The following ZBTB38 variants were observed in gnomAD, a reference collection of about 807,000 sequenced individuals.
The protein encoded by ZBTB38 is zinc finger and BTB domain-containing protein 38.
Under a neutral mutation model 76.8 loss-of-function variants are expected in ZBTB38, and 20 were observed. That is an observed-to-expected ratio of 0.26 (90% CI 0.18 to 0.38). The LOEUF (loss-of-function observed/expected upper bound fraction) is 0.38. Ranked by LOEUF, ZBTB38 falls within the 10% of genes least tolerant of loss-of-function variation. The pLI, the probability that ZBTB38 is intolerant of heterozygous loss-of-function variation, is 1.00. For synonymous variants in ZBTB38, 504 were observed against 544.2 expected, an observed-to-expected ratio of 0.93 and a Z score of 1.03; for missense variants, 1,082 against 1,482.3, an observed-to-expected ratio of 0.73 and a Z score of 4.43.
At chr3:141,431,341 A>AAAAAAATATATATATAT in intron 5 of ZBTB38, among the ~76,000 whole-genome samples, 3 of 103,290 alleles carry the variant, frequency 2.9e-5, no homozygotes, top group South Asian at 2.7e-4. Context: ...AAAAAAAAAA[A>AAAAAAATATATATATAT]ATATATATAT....
intron 2 of ZBTB38, among the ~76,000 whole-genome samples, chr3:141,379,350 C>T (rs1341172468): frequency 6.6e-6 from 1 of 152,160 alleles, no homozygotes; most frequent in African/African-American, 2.4e-5. Context: ...GCAGAGGAGT[C>T]CCCAGCATCA....
Position 141,389,283 on chromosome 3 carries a change from C to T in ZBTB38, c.-106+2346C>T, listed in dbSNP as rs141852578. The T allele has an allele frequency of 1.8e-3, 272 of 152,166 alleles. 1 individual carries two copies. Among genetic ancestry groups the T allele is most frequent in the African/African-American group, 6.2e-3 (259 of 41,496 alleles). 9.4% of individuals were successfully genotyped at this position (152,166 alleles called of 1,614,324 possible). On this transcript the variant is annotated intron_variant, in intron 4 of 5. Transcript: ENST00000321464. Reference sequence around the variant, plus strand: ...TCCATAGCACTATCGTAGAATTGAACCTCTCTAATGGGCTGAAGGGTGGTG... The same window carrying T: ...TCCATAGCACTATCGTAGAATTGAATCTCTCTAATGGGCTGAAGGGTGGTG...
intron 5 of ZBTB38, among the ~76,000 whole-genome samples, chr3:141,438,956 AT>A (rs2079469541): frequency 7.0e-6 from 1 of 142,188 alleles, no homozygotes; most frequent in African/African-American, 2.6e-5. Flanking sequence ...ACCCACTTTG[AT>A]CATTTTTAAT....
chr3:141,358,679 A>G (rs1032160055), intron 1 of ZBTB38, among the ~76,000 whole-genome samples: 5 of 152,180 alleles, frequency 3.3e-5, no homozygotes, highest in Non-Finnish European at 5.9e-5. Context: ...GGAAATTTTC[A>G]TCACTTCAAA....
intron 2 of ZBTB38, among the ~76,000 whole-genome samples, chr3:141,376,588 T>G (rs938524421): frequency 6.6e-6 from 1 of 152,242 alleles, no homozygotes; most frequent in Non-Finnish European, 1.5e-5. Context: ...CAAGAATGCC[T>G]GGGCCGGTTC....
chr3:141,346,792 G>GTGTGTGTA (rs1248416693), intron 1 of ZBTB38, among the ~76,000 whole-genome samples: 4 of 148,342 alleles, frequency 2.7e-5, no homozygotes, highest in African/African-American at 1.0e-4. Flanking sequence ...TTGTGTGTGT[G>GTGTGTGTA]TGTGTGTGTG....
Position 141,441,983 on chromosome 3 carries a change from G to A in ZBTB38, c.1-406G>A, listed in dbSNP as rs150074290. Reference sequence around the variant, plus strand: ...ATCATCAGATTTCTCTTTGAAAATAGGCAGGAAGCTTCTGGCAGGACCATG... The same window carrying A: ...ATCATCAGATTTCTCTTTGAAAATAAGCAGGAAGCTTCTGGCAGGACCATG... On this transcript the variant is annotated intron_variant, in intron 5 of 5. Coordinates refer to ENST00000321464, the MANE Select transcript of ZBTB38 (RefSeq NM_001376113.1). Among the ~76,000 whole-genome samples, 190 of 152,068 alleles carry A rather than the reference G, an allele frequency of 1.2e-3. 2 individuals are homozygous for A. The highest frequency in any genetic ancestry group is 4.4e-3 in the African/African-American group (181 of 41,490).
Position 141,413,755 on chromosome 3 carries a change from A to C in ZBTB38, c.-1+9724A>C, listed in dbSNP as rs2073227096. On this transcript the variant is annotated intron_variant, in intron 5 of 5. Coordinates refer to ENST00000321464, the MANE Select transcript of ZBTB38 (RefSeq NM_001376113.1). The surrounding 1 kb of genome is among the most constrained non-coding windows in gnomAD (Gnocchi z 4.1). Reference sequence around the variant, plus strand: ...CTGATTTCATGAAATGCTTATTAGGAGTTAAGTACCCCTTTTTCTTGAAGC... The same window carrying C: ...CTGATTTCATGAAATGCTTATTAGGCGTTAAGTACCCCTTTTTCTTGAAGC... 6.6e-6 allele frequency among the ~76,000 whole-genome samples: 1 copy of C among 152,148 alleles called. No individual in the cohort carries two copies. Among genetic ancestry groups the C allele is most frequent in the Non-Finnish European group, 1.5e-5 (1 of 68,036 alleles).
intron 5 of ZBTB38, among the ~76,000 whole-genome samples, chr3:141,425,724 G>T (rs2076260168): frequency 6.6e-6 from 1 of 152,240 alleles, no homozygotes; most frequent in South Asian, 2.1e-4. Context: ...TCAATAGTTT[G>T]GTCGCTAAAT....
intron 1 of ZBTB38, among the ~76,000 whole-genome samples, chr3:141,369,619 A>T (rs1944249319): frequency 6.6e-6 from 1 of 152,208 alleles, no homozygotes; most frequent in African/African-American, 2.4e-5. Flanking sequence ...TCATCCCCTG[A>T]GTCAGCATCT....
upstream of ZBTB38, among the ~76,000 whole-genome samples, chr3:141,364,700 A>G (rs1943913109): frequency 7.9e-6 from 1 of 127,330 alleles, no homozygotes; most frequent in Non-Finnish European, 1.7e-5. Flanking sequence ...AAAAAAAAAA[A>G]AAAAAAAAAA....
intron 1 of ZBTB38, among the ~76,000 whole-genome samples, chr3:141,338,851 C>T (rs1943091418): frequency 6.6e-6 from 1 of 152,094 alleles, no homozygotes; most frequent in East Asian, 1.9e-4. Flanking sequence ...GAGATCTTTG[C>T]CCTTCTAGAT....
chr3:141,404,462 G>C (rs893526643), intron 5 of ZBTB38, among the ~76,000 whole-genome samples: 2 of 152,128 alleles, frequency 1.3e-5, no homozygotes, highest in African/African-American at 4.8e-5. Context: ...CCTCTGTGAG[G>C]TGAGCGCTCT....
At chr3:141,424,997 C>T (rs2076127733) in intron 5 of ZBTB38, among the ~76,000 whole-genome samples, 1 of 152,156 alleles carries the variant, frequency 6.6e-6, no homozygotes, top group African/African-American at 2.4e-5. Context: ...TCATGTTAAC[C>T]CAAGTATCTT....
chr3:141,403,264 CTT>C (rs1016801199), intron 4 of ZBTB38: 4 of 152,178 alleles, frequency 2.6e-5, no homozygotes, highest in Admixed American at 2.6e-4. Flanking sequence ...AGGTTAAAGA[CTT>C]TTCTTCTGTG....
chr3:141,334,124 A>AC (rs1415637621), intron 1 of ZBTB38, among the ~76,000 whole-genome samples: 1 of 152,112 alleles, frequency 6.6e-6, no homozygotes, highest in African/African-American at 2.4e-5. Flanking sequence ...CTAGCACTAG[A>AC]CAGACCATGT....
At chr3:141,415,490 A>G (rs2073789297) in intron 5 of ZBTB38, among the ~76,000 whole-genome samples, 1 of 152,118 alleles carries the variant, frequency 6.6e-6, no homozygotes, top group African/African-American at 2.4e-5. Flanking sequence ...GTCCGTTAGA[A>G]ATACAGAGCC....
intron 1 of ZBTB38, among the ~76,000 whole-genome samples, chr3:141,337,998 A>C (rs552145757): frequency 1.6e-3 from 242 of 152,372 alleles, no homozygotes; most frequent in Non-Finnish European, 3.1e-3. Context: ...CTAAGAATAC[A>C]TCAGTAAACA....
chr3:141,443,225 A>C lies in ZBTB38; in HGVS notation c.837A>C (p.Thr279=). The change falls in exon 6 of 6, where the codon ACA becomes ACC. Residue 279 remains threonine (T), a synonymous_variant. Transcript: ENST00000321464. The surrounding 1 kb of genome is among the most constrained non-coding windows in gnomAD (Gnocchi z 5.6). ...TACCACAGGATTCGGATTCAGCCACAGAAAATATACCACCCCCTCCAGTAT... is the reference window on the plus strand; with the variant it reads ...TACCACAGGATTCGGATTCAGCCACCGAAAATATACCACCCCCTCCAGTAT... ...FSIPQDSDSA[T]ENIPPPPVSN... is the part of the protein sequence containing the mutation. The C allele has an allele frequency of 6.2e-7, 1 of 1,614,264 alleles. No homozygotes were observed. The highest frequency in any genetic ancestry group is 8.5e-7 in the Non-Finnish European group (1 of 1,180,050).
Sources: allele counts gnomAD v4.1 joint callset (sites outside exome capture counted in the v4.1 genomes callset), GRCh38; gene constraint gnomAD v4.1.1; non-coding constraint Gnocchi (gnomAD v3.1); transcripts MANE v1.5; gene names NCBI Gene and HGNC (gene_info 2026-07-23, HGNC 2026-07-21).